The following GRIP1 variants were observed in gnomAD, a reference collection of about 807,000 sequenced individuals.
GRIP1 encodes glutamate receptor interacting protein 1, also known as glutamate receptor-interacting protein 1.
In GRIP1, 45 loss-of-function variants were observed where a neutral mutation model predicts 129.9. The ratio of observed to expected loss-of-function variants is 0.35; its 90% confidence interval spans 0.27 to 0.44. GRIP1 has a LOEUF of 0.44. GRIP1 is among the 20% of genes least tolerant of loss of function. The pLI is 1.00. For missense variants in GRIP1, 1,196 were observed against 1,396.8 expected (o/e 0.86, Z 2.29); for synonymous variants, 530 against 520.8 (o/e 1.02, Z -0.24).
At chr12:66,815,856 C>CTTTCTTTCTTTCTTTCTTTCTTTCTCTG (rs11458006) in intron 1 of GRIP1, among the ~76,000 whole-genome samples, 17 of 134,100 alleles carry the variant, frequency 1.3e-4, no homozygotes, top group Non-Finnish European at 2.7e-4. Context: ...TTCTTTCTTT[C>CTTTCTTTCTTTCTTTCTTTCTTTCTCTG]TCTCTCTCTC....
intron 1 of GRIP1, among the ~76,000 whole-genome samples, chr12:66,992,096 G>A (rs1386891776): frequency 2.6e-5 from 4 of 152,160 alleles, no homozygotes; most frequent in South Asian, 2.1e-4. Flanking sequence ...GTTGAATCTC[G>A]AATCCCATTC....
At chr12:66,354,597 G>A (rs1207052559) in intron 23 of GRIP1, among the ~76,000 whole-genome samples, 1 of 152,080 alleles carries the variant, frequency 6.6e-6, no homozygotes, top group Non-Finnish European at 1.5e-5. Context: ...AAGACTTCAA[G>A]CAATGGTCAG....
intron 24 of GRIP1, among the ~76,000 whole-genome samples, chr12:66,349,614 T>C (rs868576030): frequency 6.6e-6 from 1 of 152,200 alleles, no homozygotes; most frequent in African/African-American, 2.4e-5. Context: ...GTAAGGGTCA[T>C]AGGATGTAAT....
intron 1 of GRIP1, among the ~76,000 whole-genome samples, chr12:66,943,563 C>A (rs2041621221): frequency 6.6e-6 from 1 of 152,092 alleles, no homozygotes; most frequent in Non-Finnish European, 1.5e-5. Context: ...TGATAACAAA[C>A]ACAAAAGGAA....
intron 1 of GRIP1, among the ~76,000 whole-genome samples, chr12:66,915,700 CT>C (rs2041109741): frequency 1.3e-5 from 2 of 152,206 alleles, no homozygotes; most frequent in African/African-American, 4.8e-5. Context: ...GTCTTGTATG[CT>C]GGGCAATGAA....
At chr12:66,386,372 G>A (rs543617086) in intron 19 of GRIP1, among the ~76,000 whole-genome samples, 22 of 152,116 alleles carry the variant, frequency 1.4e-4, no homozygotes, top group Non-Finnish European at 2.8e-4. Flanking sequence ...TGTGGCTCAC[G>A]CCTGTAATCC....
At chr12:66,663,250 A>T (rs1356611451) in intron 1 of GRIP1, among the ~76,000 whole-genome samples, 6 of 152,172 alleles carry the variant, frequency 3.9e-5, no homozygotes, top group Non-Finnish European at 8.8e-5. Context: ...ATATTTTGTG[A>T]ATATTCTCTA....
intron 1 of GRIP1, among the ~76,000 whole-genome samples, chr12:66,832,599 T>C (rs536664134): frequency 6.6e-6 from 1 of 152,184 alleles, no homozygotes; most frequent in East Asian, 1.9e-4. Flanking sequence ...TGATCCCTGG[T>C]AATGCAGTAA....
At chr12:66,674,896 GAGAA>G (rs2034253519) in intron 1 of GRIP1, among the ~76,000 whole-genome samples, 2 of 152,086 alleles carry the variant, frequency 1.3e-5, no homozygotes, top group South Asian at 2.1e-4. Context: ...GAGAGGGAGA[GAGAA>G]AGAAAGTAGA....
At chr12:66,838,298 G>A (rs12311739) in intron 1 of GRIP1, among the ~76,000 whole-genome samples, 24,512 of 151,770 alleles carry the variant, frequency 0.16, 2,107 homozygotes, top group East Asian at 0.37. Context: ...TCTATCATTG[G>A]GTACCATTTG....
rs575159967 is a variant in GRIP1 at position 67,008,516 on chromosome 12, T to C, written c.58+60534A>G. ...AATAAAAGACACATAAAATTAGAGATTATAAAATAGCAGTTGGGCACAGTG... is the reference window on the plus strand; with the variant it reads ...AATAAAAGACACATAAAATTAGAGACTATAAAATAGCAGTTGGGCACAGTG... On this transcript the variant is annotated intron_variant, in intron 1 of 1. Coordinates refer to the GRIP1 transcript ENST00000643019. 1.1e-4 allele frequency among the ~76,000 whole-genome samples: 16 copies of C among 152,248 alleles called. No homozygotes were observed. In the East Asian group the frequency reaches 1.7e-3, roughly 17 times the overall value.
At chr12:66,994,160 G>A (rs2042433389) in intron 1 of GRIP1, among the ~76,000 whole-genome samples, 1 of 151,478 alleles carries the variant, frequency 6.6e-6, no homozygotes, top group Admixed American at 6.6e-5. Context: ...CATTTCCTGA[G>A]GCCAGTATTG....
At chr12:66,404,999 T>C (rs1228237752) in intron 16 of GRIP1, among the ~76,000 whole-genome samples, 1 of 152,088 alleles carries the variant, frequency 6.6e-6, no homozygotes, top group African/African-American at 2.4e-5. Flanking sequence ...GCCACTGCAC[T>C]CCATGGCACA....
chr12:66,516,950 G>A (rs1356710545), intron 6 of GRIP1, among the ~76,000 whole-genome samples: 1 of 152,134 alleles, frequency 6.6e-6, no homozygotes. Flanking sequence ...CTGTAAATGT[G>A]GATACAAAGA....
At chr12:66,821,535 C>T (rs931710955) in intron 1 of GRIP1, among the ~76,000 whole-genome samples, 11 of 152,126 alleles carry the variant, frequency 7.2e-5, no homozygotes, top group African/African-American at 2.4e-4. Context: ...AAAGGTTAAA[C>T]AGATGTCAAG....
At chr12:66,617,550 G>C (rs971065904) in intron 1 of GRIP1, among the ~76,000 whole-genome samples, 4 of 151,980 alleles carry the variant, frequency 2.6e-5, no homozygotes, top group Admixed American at 2.0e-4. Flanking sequence ...TTCCAGGGAT[G>C]ATCTGAATAT....
chr12:66,504,015 C>G (rs9804851), intron 7 of GRIP1, among the ~76,000 whole-genome samples: 2,443 of 150,854 alleles, frequency 0.016, 61 homozygotes, highest in African/African-American at 0.056. Context: ...AACCCAAGTG[C>G]CTGAGGGACA....
chr12:66,787,173 A>G (rs1427043575), intron 1 of GRIP1, among the ~76,000 whole-genome samples: 2 of 152,118 alleles, frequency 1.3e-5, no homozygotes, highest in Admixed American at 1.3e-4. Flanking sequence ...TCAACACAGT[A>G]ATAAGGCTTT....
At chr12:66,909,279 T>C (rs2040989819) in intron 1 of GRIP1, among the ~76,000 whole-genome samples, 1 of 152,178 alleles carries the variant, frequency 6.6e-6, no homozygotes, top group South Asian at 2.1e-4. Flanking sequence ...ACACCAATCA[T>C]CATATCCTTC....
Sources: gnomAD v4.1 joint callset for allele counts (sites outside exome capture counted in the v4.1 genomes callset) on GRCh38, gnomAD v4.1.1 for gene constraint, MANE v1.5 for transcripts, NCBI Gene and HGNC (gene_info 2026-07-23, HGNC 2026-07-21) for gene names.